Variants in OSBPL10 observed in about 807,000 individuals in gnomAD.
OSBPL10 encodes oxysterol binding protein like 10.
In OSBPL10, 49 loss-of-function variants were observed where a neutral mutation model predicts 81.7. The observed-to-expected ratio is 0.60, with a 90% confidence interval of 0.48 to 0.76. The LOEUF is 0.76. Ranked by LOEUF, OSBPL10 falls within the 30% of genes least tolerant of loss-of-function variation. The pLI, the probability that OSBPL10 is intolerant of heterozygous loss-of-function variation, is 0.00. For synonymous variants in OSBPL10, 419 were observed against 383.6 expected, an observed-to-expected ratio of 1.09 and a Z score of -1.08; for missense variants, 923 against 987.8, an observed-to-expected ratio of 0.93 and a Z score of 0.88.
At chr3:32,066,390 G>A (rs182734361) in intron 1 of OSBPL10, 1 of 33,574 alleles carries the variant, frequency 3.0e-5, no homozygotes, top group African/African-American at 4.7e-5. Flanking sequence ...ATCTCCACTT[G>A]TCCTTGTTGG....
At position 31,702,353 on chromosome 3, in the gene OSBPL10, A is replaced by G; in HGVS notation, c.1245+6T>C. 2 of 1,613,868 alleles carry G rather than the reference A, an allele frequency of 1.2e-6. No homozygotes were observed. The highest frequency in any genetic ancestry group is 8.5e-7 in the Non-Finnish European group (1 of 1,179,748). ...GACCACAAATCCAGGGGACATGCCAACCTACCTTGGTCAAATCCATTCCAA... is the reference window on the plus strand; with the variant it reads ...GACCACAAATCCAGGGGACATGCCAGCCTACCTTGGTCAAATCCATTCCAA... On this transcript the variant is annotated splice_donor_region_variant and intron_variant, in intron 7 of 11. Coordinates refer to ENST00000396556, the MANE Select transcript of OSBPL10 (RefSeq NM_017784.5).
chr3:31,830,045 T>G lies in OSBPL10; in HGVS notation c.724A>C (p.Arg242=). 6.2e-7 allele frequency: 1 copy of G among 1,612,592 alleles called. No individual in the cohort carries two copies. Among genetic ancestry groups the G allele is most frequent in the Non-Finnish European group, 8.5e-7 (1 of 1,179,632 alleles). Reference sequence around the variant, plus strand: ...AGTAGGAGAGCAAAGCCTACCTCTCTGACTTCGTGAAGCTGGCCGGAATAC... The same window carrying G: ...AGTAGGAGAGCAAAGCCTACCTCTCGGACTTCGTGAAGCTGGCCGGAATAC... ...SQYSGQLHEV[R]EMMNQVEGQQ... is the part of the protein sequence containing the mutation. The change falls in exon 4 of 12, where the codon AGA becomes CGA. Residue 242 remains arginine (R), a synonymous_variant. Transcript: ENST00000396556.
Position 31,720,084 on chromosome 3 carries a change from T to C in OSBPL10, c.1095+13173A>G, listed in dbSNP as rs139876626. 6.4e-3 allele frequency among the ~76,000 whole-genome samples: 965 copies of C among 149,740 alleles called. 6 individuals are homozygous for C. The highest frequency in any genetic ancestry group is 0.013 in the South Asian group (60 of 4,786). On this transcript the variant is annotated intron_variant, in intron 6 of 11. Coordinates refer to ENST00000396556, the MANE Select transcript of OSBPL10 (RefSeq NM_017784.5). ...ATATATATTTTATATATTATATGTATATGTTTGCTGTAAAAACAAATTTCC... is the reference window on the plus strand; with the variant it reads ...ATATATATTTTATATATTATATGTACATGTTTGCTGTAAAAACAAATTTCC...
At chr3:31,677,134 A>G (rs73826850) in intron 8 of OSBPL10, among the ~76,000 whole-genome samples, 8,478 of 152,214 alleles carry the variant, frequency 0.056, 792 homozygotes, top group African/African-American at 0.19. Flanking sequence ...TTTACACCCA[A>G]TCAACAAATT....
intron 3 of OSBPL10, among the ~76,000 whole-genome samples, chr3:31,861,667 A>G (rs761689250): frequency 1.3e-5 from 2 of 152,184 alleles, no homozygotes; most frequent in Non-Finnish European, 2.9e-5. Flanking sequence ...GCAAGTTTGC[A>G]CTGGTTATCT....
chr3:32,052,970 C>A (rs201660318), intron 1 of OSBPL10, among the ~76,000 whole-genome samples: 5,978 of 151,596 alleles, frequency 0.039, 320 homozygotes, highest in African/African-American at 0.12. Flanking sequence ...ACAGAACAAT[C>A]AAAAAAAAAT....
chr3:31,981,461 C>G (rs1026798818), upstream of OSBPL10, among the ~76,000 whole-genome samples: 1 of 152,162 alleles, frequency 6.6e-6, no homozygotes. This position sits in a 1 kb window ranked among gnomAD's most constrained non-coding sequence, Gnocchi z 4.5. Flanking sequence ...AGCGGGTGGC[C>G]GGCTAGGCGA....
chr3:31,873,111 G>C (rs1701372717), intron 3 of OSBPL10, among the ~76,000 whole-genome samples: 1 of 151,818 alleles, frequency 6.6e-6, no homozygotes, highest in African/African-American at 2.4e-5. Flanking sequence ...GCGGAATTGT[G>C]AGTACAGTGG....
intron 1 of OSBPL10, among the ~76,000 whole-genome samples, chr3:31,895,148 T>TC (rs1269226852): frequency 1.3e-5 from 2 of 150,436 alleles, no homozygotes; most frequent in Admixed American, 1.3e-4. Flanking sequence ...TTTTTTTTTT[T>TC]TTTTAGACGG....
intron 4 of OSBPL10, among the ~76,000 whole-genome samples, chr3:31,753,469 C>A (rs933720921): frequency 6.6e-6 from 1 of 152,028 alleles, no homozygotes; most frequent in East Asian, 1.9e-4. Flanking sequence ...ACAAGTGTTA[C>A]CCACCATGCC....
chr3:31,684,821 T>C (rs1329348575), intron 7 of OSBPL10, among the ~76,000 whole-genome samples: 1 of 152,108 alleles, frequency 6.6e-6, no homozygotes, highest in East Asian at 1.9e-4. Context: ...GAGAAACCAG[T>C]GGAAGTTACA....
chr3:31,774,138 G>A (rs182926544), intron 4 of OSBPL10, among the ~76,000 whole-genome samples: 13 of 146,948 alleles, frequency 8.8e-5, no homozygotes. Context: ...CTCCAGCCTG[G>A]GCAACAAGAG....
upstream of OSBPL10, among the ~76,000 whole-genome samples, chr3:31,983,194 T>G (rs374591475): frequency 5.3e-5 from 8 of 152,342 alleles, no homozygotes; most frequent in East Asian, 5.8e-4. Context: ...ACTGATCATA[T>G]ATGAGTGTTC....
chr3:31,847,834 G>A (rs1007939137), intron 3 of OSBPL10, among the ~76,000 whole-genome samples: 6 of 152,100 alleles, frequency 3.9e-5, no homozygotes, highest in Non-Finnish European at 8.8e-5. Flanking sequence ...TTCCAAGGCT[G>A]GAGGATCATG....
intron 1 of OSBPL10, among the ~76,000 whole-genome samples, chr3:31,910,708 T>C (rs1019236428): frequency 2.6e-5 from 4 of 152,130 alleles, no homozygotes; most frequent in African/African-American, 9.7e-5. Flanking sequence ...GTTGGACTTC[T>C]TGGCAAATGG....
intron 3 of OSBPL10, among the ~76,000 whole-genome samples, chr3:31,854,845 C>T (rs577100570): frequency 6.2e-4 from 95 of 152,318 alleles, no homozygotes; most frequent in African/African-American, 2.2e-3. Context: ...ATACCTCTAA[C>T]TGCTTCAGTG....
chr3:31,947,137 G>GA (rs1697725919), intron 1 of OSBPL10, among the ~76,000 whole-genome samples: 1 of 152,164 alleles, frequency 6.6e-6, no homozygotes, highest in South Asian at 2.1e-4. Context: ...TTCAGGCTCT[G>GA]ACAACTCAGT....
intron 1 of OSBPL10, among the ~76,000 whole-genome samples, chr3:32,058,518 G>A (rs1699729703): frequency 6.6e-6 from 1 of 152,042 alleles, no homozygotes; most frequent in South Asian, 2.1e-4. Flanking sequence ...GTAGAGATGG[G>A]GTTTCACCAT....
Position 31,833,713 on chromosome 3 carries a change from A to G in OSBPL10, c.538-3482T>C, listed in dbSNP as rs959871711. On this transcript the variant is annotated intron_variant, in intron 3 of 11. Transcript: ENST00000396556. ...AACACGCACACGCACACGCACACACACACACACACACACACACACACACAC... is the reference window on the plus strand; with the variant it reads ...AACACGCACACGCACACGCACACACGCACACACACACACACACACACACAC... Among the ~76,000 whole-genome samples, 9 of 150,854 alleles carry G rather than the reference A, an allele frequency of 6.0e-5. 1 individual carries two copies. In the South Asian group the frequency reaches 6.3e-4, roughly 11 times the overall value.
Sources: allele counts gnomAD v4.1 joint callset (sites outside exome capture counted in the v4.1 genomes callset), GRCh38; gene constraint gnomAD v4.1.1; non-coding constraint Gnocchi (gnomAD v3.1); transcripts MANE v1.5; gene names NCBI Gene and HGNC (gene_info 2026-07-23, HGNC 2026-07-21).